The following DPY19L1 variants were observed in gnomAD, a reference collection of about 807,000 sequenced individuals.
The protein encoded by DPY19L1 is dpy-19 like C-mannosyltransferase 1, also known as protein C-mannosyl-transferase DPY19L1.
A neutral mutation model predicts 96.9 loss-of-function variants in DPY19L1; 35 were observed. The ratio of observed to expected loss-of-function variants is 0.36; its 90% CI spans 0.28 to 0.48. DPY19L1 has a LOEUF of 0.48. Among genes scored for constraint, DPY19L1 ranks in the 20% least tolerant of loss-of-function variants. DPY19L1 has a pLI of 0.99. For missense variants in DPY19L1, 521 were observed against 777.9 expected (o/e 0.67, Z 3.93); for synonymous variants, 205 against 252.6 (o/e 0.81, Z 1.79).
rs569774152 is a variant in DPY19L1 at position 35,037,102 on chromosome 7, A to G, written c.293T>C (p.Leu98Pro). 1.6e-4 allele frequency: 32 copies of G among 203,438 alleles called. No individual in the cohort carries two copies. The highest frequency in any genetic ancestry group is 2.7e-4 in the Non-Finnish European group (27 of 101,338). 12.6% of individuals were successfully genotyped at this position (203,438 alleles called of 1,614,324 possible). ...AGRGRTWTTL[L>P]LAVFAAVLHW... ...CCGGCGCTAGGGCTGCTCACCTAAC[A>G]GGAGCGTGGTCCAGGTCCGGCCGCG... The change falls in exon 1 of 22, where the codon CTG becomes CCG. Residue 98 changes from leucine (L) to proline (P), a missense_variant. By Grantham distance (98) the Leu-to-Pro change is moderately conservative. Coordinates refer to ENST00000638088, the MANE Select transcript of DPY19L1 (RefSeq NM_001366673.1).
At chr7:34,995,928 T>TG (rs1367135673) in intron 6 of DPY19L1, among the ~76,000 whole-genome samples, 2 of 3,902 alleles carry the variant, frequency 5.1e-4, no homozygotes, top group Non-Finnish European at 1.2e-3. Flanking sequence ...GGGGGGGCGG[T>TG]GGGGGGGATT....
chr7:34,964,196 C>T (rs1287644560), intron 10 of DPY19L1, among the ~76,000 whole-genome samples: 3 of 151,426 alleles, frequency 2.0e-5, no homozygotes, highest in South Asian at 2.1e-4. Context: ...ATTTATAAAA[C>T]GATAATGGAA....
chr7:34,951,471 G>C (rs1273932397), intron 13 of DPY19L1, among the ~76,000 whole-genome samples: 1 of 151,834 alleles, frequency 6.6e-6, no homozygotes, highest in African/African-American at 2.4e-5. Context: ...AAAAATTCTT[G>C]ATTAGAAGTT....
intron 1 of DPY19L1, among the ~76,000 whole-genome samples, chr7:35,019,176 C>T (rs1173611188): frequency 1.3e-5 from 2 of 152,002 alleles, no homozygotes; most frequent in Non-Finnish European, 2.9e-5. Flanking sequence ...CTAAGATGAA[C>T]CTGGAAGACA....
rs4723391 is a variant in DPY19L1 at position 34,967,264 on chromosome 7, C to T, written c.1015-293G>A. On this transcript the variant is annotated intron_variant, in intron 9 of 21. Transcript: ENST00000638088. ...AGGTCAACCCTACTGTCAACATGTACAATTAAAAAGTGCCTTGTCCAATCA... is the reference window on the plus strand; with the variant it reads ...AGGTCAACCCTACTGTCAACATGTATAATTAAAAAGTGCCTTGTCCAATCA... Among the ~76,000 whole-genome samples the T allele has an allele frequency of 3.3e-5, 5 of 151,992 alleles. 1 individual carries two copies. The highest frequency in any genetic ancestry group is 1.2e-4 in the African/African-American group (5 of 41,484).
intron 6 of DPY19L1, among the ~76,000 whole-genome samples, chr7:34,992,014 G>C (rs1214357011): frequency 1.3e-5 from 2 of 152,202 alleles, no homozygotes; most frequent in East Asian, 3.9e-4. Flanking sequence ...GTAAATGCTG[G>C]CACGTTTGTT....
At chr7:34,966,230 G>A (rs918386755) in intron 10 of DPY19L1, among the ~76,000 whole-genome samples, 5 of 152,058 alleles carry the variant, frequency 3.3e-5, no homozygotes, top group African/African-American at 4.8e-5. Context: ...CCCCCACTCT[G>A]TTAGAATGTA....
chr7:34,940,947 A>C (rs1001580219), intron 18 of DPY19L1: 4 of 153,026 alleles, frequency 2.6e-5, no homozygotes, highest in African/African-American at 9.7e-5. Flanking sequence ...CCTTTCTAAC[A>C]TAATACAACA....
intron 20 of DPY19L1, among the ~76,000 whole-genome samples, chr7:34,938,795 A>G (rs1649213): frequency 0.28 from 42,606 of 152,028 alleles, 6,165 homozygotes; most frequent in Non-Finnish European, 0.33. Context: ...TTAAAGTCTC[A>G]AAAAAATCTA....
intron 1 of DPY19L1, among the ~76,000 whole-genome samples, chr7:35,030,394 T>C (rs1418961617): frequency 1.3e-5 from 2 of 152,246 alleles, no homozygotes; most frequent in African/African-American, 4.8e-5. Context: ...AAGTGACTTA[T>C]AAACTGTGTT....
intron 9 of DPY19L1, among the ~76,000 whole-genome samples, chr7:34,968,768 CAAAAAAAAA>C (rs35977506): frequency 3.4e-4 from 3 of 8,886 alleles, no homozygotes; most frequent in Admixed American, 2.2e-3. Flanking sequence ...GACTCCATCG[CAAAAAAAAA>C]AAAAAAAAAA....
chr7:34,995,376 A>G (rs1277839769), intron 6 of DPY19L1, among the ~76,000 whole-genome samples: 2 of 152,128 alleles, frequency 1.3e-5, no homozygotes, highest in African/African-American at 4.8e-5. Context: ...GAAACCTCCT[A>G]CTGTGCAAAT....
intron 1 of DPY19L1, among the ~76,000 whole-genome samples, chr7:35,032,808 C>T (rs1210351781): frequency 6.6e-6 from 1 of 151,882 alleles, no homozygotes; most frequent in Non-Finnish European, 1.5e-5. Context: ...GTATTCATAA[C>T]TCCTTCCTTT....
chr7:34,998,221 T>C (rs1455010334), intron 6 of DPY19L1, among the ~76,000 whole-genome samples: 2 of 152,218 alleles, frequency 1.3e-5, no homozygotes, highest in African/African-American at 2.4e-5. Flanking sequence ...TGACTACTTA[T>C]GTCTACAAAA....
chr7:35,031,075 A>G (rs531131384), intron 1 of DPY19L1, among the ~76,000 whole-genome samples: 1 of 152,314 alleles, frequency 6.6e-6, no homozygotes, highest in South Asian at 2.1e-4. Context: ...AGGATTAAAC[A>G]TATGAATAAT....
intron 4 of DPY19L1, 139 bp downstream of exon 4, chr7:35,013,429 C>T: frequency 1.7e-6 from 1 of 604,468 alleles, no homozygotes; most frequent in Non-Finnish European, 2.7e-6. Flanking sequence ...TTTACATATT[C>T]CTCCACAAGA....
At chr7:35,022,767 T>TAC (rs1426782722) in intron 1 of DPY19L1, among the ~76,000 whole-genome samples, 103 of 145,562 alleles carry the variant, frequency 7.1e-4, no homozygotes, top group Middle Eastern at 3.8e-3. Flanking sequence ...TATATTTTGA[T>TAC]ACACACACAC....
At chr7:34,971,653 A>G (rs554254043) in intron 8 of DPY19L1, among the ~76,000 whole-genome samples, 1 of 152,346 alleles carries the variant, frequency 6.6e-6, no homozygotes, top group South Asian at 2.1e-4. Context: ...AGCAAAAAGT[A>G]AAGACAGGTA....
chr7:35,021,434 C>A (rs1785992917), intron 1 of DPY19L1, among the ~76,000 whole-genome samples: 1 of 152,218 alleles, frequency 6.6e-6, no homozygotes, highest in Admixed American at 6.5e-5. Context: ...TCACAGTCTC[C>A]AGGGTCCATT....
Sources: allele counts gnomAD v4.1 joint callset (sites outside exome capture counted in the v4.1 genomes callset), GRCh38; gene constraint gnomAD v4.1.1; transcripts MANE v1.5; gene names NCBI Gene and HGNC (gene_info 2026-07-23, HGNC 2026-07-21).